Variants in SDK1 observed in about 807,000 individuals in gnomAD.
SDK1 encodes the protein protein sidekick-1.
A neutral mutation model predicts 245.5 loss-of-function variants in SDK1; 157 were observed. The ratio of observed to expected loss-of-function variants is 0.64; its 90% confidence interval spans 0.56 to 0.73. The LOEUF is 0.73. SDK1 is among the 30% of genes least tolerant of loss of function. SDK1 has a pLI of 0.00. For missense variants in SDK1, 3,583 were observed against 3,002.3 expected (o/e 1.19, Z -4.52); for synonymous variants, 1,647 against 1,278.5 (o/e 1.29, Z -6.15).
chr7:3,900,959 A>T (rs1038416266), intron 5 of SDK1, among the ~76,000 whole-genome samples: 10 of 151,994 alleles, frequency 6.6e-5, no homozygotes, highest in African/African-American at 2.4e-4. Context: ...AAAAAAAAAG[A>T]CCTTTATGGC....
At chr7:3,330,932 C>T (rs1409190952) in intron 1 of SDK1, among the ~76,000 whole-genome samples, 7 of 151,570 alleles carry the variant, frequency 4.6e-5, no homozygotes, top group Non-Finnish European at 1.0e-4. Flanking sequence ...TGTCATTGCA[C>T]TCCAGCCTGG....
In SDK1 at chr7:3,819,371, C is replaced by T. The variant is rs545693699; in HGVS notation, c.714-2079C>T. Among the ~76,000 whole-genome samples, 218 of 151,852 alleles carry T rather than the reference C, an allele frequency of 1.4e-3. 1 individual carries two copies. Among genetic ancestry groups the T allele is most frequent in the African/African-American group, 5.0e-3 (206 of 41,446 alleles). On this transcript the variant is annotated intron_variant, in intron 4 of 44. Transcript: ENST00000404826. ...TATGTACCTTTTTATTTTCAATACT[C>T]TTGAAATAATGCCGTAAATAATATC...
intron 7 of SDK1, 108 bp downstream of exon 7, chr7:3,952,028 G>C: frequency 2.0e-6 from 2 of 985,438 alleles, no homozygotes; most frequent in Non-Finnish European, 3.0e-6. Context: ...TTTGTAACTC[G>C]GCAAATGAAG....
intron 3 of SDK1, among the ~76,000 whole-genome samples, chr7:3,641,641 C>T (rs1782649916): frequency 1.3e-5 from 2 of 152,358 alleles, no homozygotes; most frequent in Admixed American, 1.3e-4. Context: ...TCACGTGGCT[C>T]TAGGATGGCT....
intron 1 of SDK1, among the ~76,000 whole-genome samples, chr7:3,405,766 C>G (rs1018216027): frequency 1.3e-5 from 2 of 151,022 alleles, no homozygotes; most frequent in African/African-American, 2.4e-5. Flanking sequence ...TTATTTACTG[C>G]TTCAGTGTAG....
chr7:3,784,511 GA>G (rs1780841841), intron 4 of SDK1, among the ~76,000 whole-genome samples: 1 of 151,860 alleles, frequency 6.6e-6, no homozygotes, highest in Non-Finnish European at 1.5e-5. Context: ...CAACTCAATA[GA>G]AAGAATACAA....
In SDK1 at chr7:3,619,173, G is replaced by T. The variant is rs1016589277; in HGVS notation, c.392G>T (p.Ser131Ile). The T allele has an allele frequency of 8.7e-6, 14 of 1,613,932 alleles. No individual in the cohort carries two copies. The highest frequency in any genetic ancestry group is 1.0e-5 in the Non-Finnish European group (12 of 1,179,942). The change falls in exon 2 of 45, where the codon AGC (serine) becomes ATC (isoleucine). Residue 131 changes from serine (S) to isoleucine (I), a missense_variant. Physicochemically the swap from Ser to Ile is moderately radical, Grantham distance 142. Transcript: ENST00000404826. The part of the protein sequence containing the change: ...RLVLTCLAEG[S>I]WPLEFKWMRD... ...GTTCTCACCTGCCTTGCCGAAGGGA[G>T]CTGGCCTTTGGAGTTCAAGTGGATG...
At chr7:3,352,487 A>G (rs1219805760) in intron 1 of SDK1, among the ~76,000 whole-genome samples, 1 of 152,280 alleles carries the variant, frequency 6.6e-6, no homozygotes, top group African/African-American at 2.4e-5. Flanking sequence ...AGCTTAGTTC[A>G]CAGGCTGTGG....
At chr7:3,747,374 C>G (rs1021166714) in intron 4 of SDK1, among the ~76,000 whole-genome samples, 16 of 152,262 alleles carry the variant, frequency 1.1e-4, no homozygotes, top group African/African-American at 3.9e-4. Flanking sequence ...GTGCTATTTT[C>G]TTGCAATATT....
At chr7:3,490,519 A>G (rs764804615) in intron 1 of SDK1, among the ~76,000 whole-genome samples, 4 of 152,118 alleles carry the variant, frequency 2.6e-5, no homozygotes, top group Non-Finnish European at 5.9e-5. Context: ...TTCTTCTGAT[A>G]TTTCTTTAAA....
At chr7:3,615,908 G>T (rs1260859068) in intron 1 of SDK1, among the ~76,000 whole-genome samples, 2 of 149,852 alleles carry the variant, frequency 1.3e-5, no homozygotes, top group Non-Finnish European at 3.0e-5. Context: ...ACAGGGTCTT[G>T]GTCTGTCACC....
At chr7:4,243,510 G>GGTC (rs1288942752) in intron 43 of SDK1, among the ~76,000 whole-genome samples, 2 of 152,204 alleles carry the variant, frequency 1.3e-5, no homozygotes, top group African/African-American at 4.8e-5. Flanking sequence ...ACATGGCTGG[G>GGTC]GAGACCTCAC....
intron 40 of SDK1, among the ~76,000 whole-genome samples, chr7:4,228,360 C>G (rs1338927450): frequency 6.6e-6 from 1 of 152,192 alleles, no homozygotes; most frequent in Non-Finnish European, 1.5e-5. Context: ...ATGAGGGCAC[C>G]TCCGCCCTCC....
intron 5 of SDK1, among the ~76,000 whole-genome samples, chr7:3,931,391 T>C (rs1011915071): frequency 4.6e-5 from 7 of 152,208 alleles, no homozygotes; most frequent in African/African-American, 1.7e-4. Context: ...AGATGATCAA[T>C]TTCTTATTTG....
At chr7:3,554,136 C>T (rs960469319) in intron 1 of SDK1, among the ~76,000 whole-genome samples, 4 of 152,246 alleles carry the variant, frequency 2.6e-5, no homozygotes, top group South Asian at 4.1e-4. Flanking sequence ...GAATACTTCA[C>T]CCAGAAACCA....
At chr7:3,349,620 G>A (rs1300570713) in intron 1 of SDK1, among the ~76,000 whole-genome samples, 2 of 152,160 alleles carry the variant, frequency 1.3e-5, no homozygotes, top group South Asian at 2.1e-4. Context: ...TTTTTTTTGA[G>A]ACGTAGTCTG....
At chr7:3,820,489 T>G (rs544243218) in intron 4 of SDK1, among the ~76,000 whole-genome samples, 3 of 152,264 alleles carry the variant, frequency 2.0e-5, no homozygotes, top group African/African-American at 7.2e-5. Flanking sequence ...ATCCACCTCT[T>G]TAACTGGCAA....
At chr7:4,170,934 A>G (rs908364173) in intron 32 of SDK1, among the ~76,000 whole-genome samples, 1 of 152,114 alleles carries the variant, frequency 6.6e-6, no homozygotes, top group Middle Eastern at 3.2e-3. Flanking sequence ...AAAGGAAAAG[A>G]GCATTTAGTA....
intron 1 of SDK1, among the ~76,000 whole-genome samples, chr7:3,563,213 A>C (rs1411377437): frequency 6.6e-6 from 1 of 152,196 alleles, no homozygotes; most frequent in Non-Finnish European, 1.5e-5. Context: ...TGGAAAGAAT[A>C]AAACAAAAAT....
Sources: allele counts gnomAD v4.1 joint callset (sites outside exome capture counted in the v4.1 genomes callset), GRCh38; gene constraint gnomAD v4.1.1; transcripts MANE v1.5; gene names NCBI Gene and HGNC (gene_info 2026-07-23, HGNC 2026-07-21).